Variants in HS6ST2 observed in about 807,000 individuals in gnomAD.
HS6ST2 encodes heparan sulfate 6-O-sulfotransferase 2.
In HS6ST2, 17 loss-of-function variants were observed where a neutral mutation model predicts 33.0. The ratio of observed to expected loss-of-function variants is 0.52; its 90% confidence interval spans 0.35 to 0.77. HS6ST2 has a LOEUF of 0.77. HS6ST2 is among the 30% of genes least tolerant of loss of function. HS6ST2 has a pLI of 0.01. For missense variants in HS6ST2, 519 were observed against 551.7 expected, an observed-to-expected ratio of 0.94 and a Z score of 0.59; for synonymous variants, 248 against 237.1, an observed-to-expected ratio of 1.05 and a Z score of -0.42.
chrX:132,901,863 C>T (rs141063492), intron 2 of HS6ST2, among the ~76,000 whole-genome samples: 1,220 of 110,871 alleles, frequency 0.011, 12 homozygotes, highest in African/African-American at 0.037. Flanking sequence ...GGGGAAAAGT[C>T]GGGGGAGGGA....
Position 132,628,817 on chromosome X carries a change from C to T in HS6ST2, c.1344G>A (p.Met448Ile). ...TLVGCYNLSV[M>I]PEKQRNKVLL... ...GGACCTTGTTTCTTTGCTTTTCAGG[C>T]ATGACAGAGAGGTTGTAGCAGCCTA... The change falls in exon 5 of 5, where the codon ATG becomes ATA. Residue 448 changes from methionine to isoleucine, a missense_variant. By Grantham distance (10) the Met-to-Ile change is conservative (BLOSUM62 1). Coordinates refer to ENST00000370833, the MANE Select transcript of HS6ST2 (RefSeq NM_001394073.1). The T allele has an allele frequency of 8.3e-7, 1 of 1,211,849 alleles. No homozygotes were observed. Among genetic ancestry groups the T allele is most frequent in the Non-Finnish European group, 1.1e-6 (1 of 895,458 alleles).
chrX:132,628,898 A>G lies in HS6ST2; in HGVS notation c.1263T>C (p.Cys421=), dbSNP rs2063497441. The G allele has an allele frequency of 8.3e-7, 1 of 1,211,412 alleles. No homozygotes were observed. Among genetic ancestry groups the G allele is most frequent in the Admixed American group, 2.2e-5 (1 of 46,015 alleles). The part of the protein sequence containing the change: ...SGCPLKEFMD[C]PYNLANNRQV... ...GGCGGTTGTTGGCTAGATTGTAGGG[A>G]CAGTCCATAAACTCTTTGAGGGGGC... The change falls in exon 5 of 5, where the codon TGT becomes TGC. Residue 421 remains cysteine, a synonymous_variant. Coordinates refer to ENST00000370833, the MANE Select transcript of HS6ST2 (RefSeq NM_001394073.1).
chrX:132,870,555 G>T (rs1317098680), intron 2 of HS6ST2, among the ~76,000 whole-genome samples: 4 of 111,509 alleles, frequency 3.6e-5, no homozygotes, highest in South Asian at 3.8e-4. Context: ...GCATAGTACT[G>T]GTACCAAAAC....
chrX:132,811,237 C>T (rs1302424783), intron 2 of HS6ST2, among the ~76,000 whole-genome samples: 1 of 111,149 alleles, frequency 9.0e-6, no homozygotes, highest in African/African-American at 3.3e-5. Flanking sequence ...GGTGTCTGCT[C>T]TGGATTTGCT....
intron 2 of HS6ST2, among the ~76,000 whole-genome samples, chrX:132,808,360 G>A (rs181957362): frequency 1.9e-3 from 209 of 111,480 alleles, no homozygotes; most frequent in African/African-American, 5.0e-3. Context: ...TCCTGTAACC[G>A]AAGGCCACAG....
At chrX:132,748,131 A>G (rs2064664755) in intron 2 of HS6ST2, among the ~76,000 whole-genome samples, 2 of 111,542 alleles carry the variant, frequency 1.8e-5, no homozygotes, top group South Asian at 3.9e-4. Context: ...CAATAATACC[A>G]TTAGAGGGGA....
intron 2 of HS6ST2, among the ~76,000 whole-genome samples, chrX:132,732,276 A>G (rs1286788151): frequency 8.9e-6 from 1 of 111,860 alleles, no homozygotes; most frequent in Non-Finnish European, 1.9e-5. Context: ...TGCCTTTATC[A>G]AAGCTAAAAA....
intron 2 of HS6ST2, among the ~76,000 whole-genome samples, chrX:132,910,456 G>A (rs901128716): frequency 3.6e-5 from 4 of 111,665 alleles, no homozygotes; most frequent in Non-Finnish European, 7.5e-5. Context: ...TTTTCTCAGT[G>A]AGCAATGTAA....
intron 2 of HS6ST2, among the ~76,000 whole-genome samples, chrX:132,839,217 G>A (rs1253607217): frequency 3.0e-5 from 3 of 98,391 alleles, no homozygotes; most frequent in East Asian, 6.8e-4. Context: ...GCAAAGACAC[G>A]GAATCGATCT....
intron 3 of HS6ST2, among the ~76,000 whole-genome samples, chrX:132,679,690 C>T (rs764240405): frequency 8.0e-4 from 87 of 109,124 alleles, no homozygotes; most frequent in African/African-American, 1.8e-3. Flanking sequence ...AGCCTGGGAG[C>T]GCTATGGGAG....
At chrX:132,722,995 A>G (rs1031141290) in intron 2 of HS6ST2, among the ~76,000 whole-genome samples, 1 of 111,735 alleles carries the variant, frequency 8.9e-6, no homozygotes, top group Admixed American at 9.5e-5. Flanking sequence ...AAAAGGAGAC[A>G]TTCCAACTGA....
intron 4 of HS6ST2, among the ~76,000 whole-genome samples, chrX:132,639,075 AT>A (rs759029727): frequency 7.1e-5 from 8 of 112,173 alleles, no homozygotes; most frequent in Non-Finnish European, 1.5e-4. Flanking sequence ...CAAAGCAGAA[AT>A]TTTTTTCCTT....
At position 132,697,901 on chromosome X, in the gene HS6ST2, C is replaced by T. The variant is rs140255019; in HGVS notation, c.980+10561G>A. 6.2e-3 allele frequency among the ~76,000 whole-genome samples: 692 copies of T among 111,856 alleles called. 4 individuals are homozygous for T. Among genetic ancestry groups the T allele is most frequent in the African/African-American group, 0.021 (648 of 30,809 alleles). On this transcript the variant is annotated intron_variant, in intron 3 of 4. Transcript: ENST00000370833. ...AATGCTTCTCAAGACAGGGAGCTAA[C>T]GTCACACTAAAGATGTAATTAAATG...
chrX:132,948,708 C>A (rs1415998868), intron 2 of HS6ST2, among the ~76,000 whole-genome samples: 1 of 112,118 alleles, frequency 8.9e-6, no homozygotes, highest in East Asian at 2.8e-4. Context: ...AAAGTTTAGA[C>A]AAATATTTAT....
At chrX:132,708,299 T>TAA (rs36028236) in intron 3 of HS6ST2, among the ~76,000 whole-genome samples, 163 bp downstream of exon 3, 737 of 21,236 alleles carry the variant, frequency 0.035, 51 homozygotes, top group Non-Finnish European at 0.045. Flanking sequence ...TGTTTTAAAC[T>TAA]AAAAAAAAAA....
chrX:132,718,748 A>T (rs2064300660), intron 2 of HS6ST2, among the ~76,000 whole-genome samples: 1 of 110,778 alleles, frequency 9.0e-6, no homozygotes, highest in South Asian at 3.9e-4. Flanking sequence ...GCTCATTTGA[A>T]GATGAAAACC....
chrX:132,652,339 A>G (rs920050538), intron 4 of HS6ST2, among the ~76,000 whole-genome samples: 10 of 111,955 alleles, frequency 8.9e-5, no homozygotes, highest in Non-Finnish European at 1.5e-4. Context: ...AGGCATTTAC[A>G]TTTACAAAGC....
At position 132,941,241 on chromosome X, in the gene HS6ST2, T is replaced by C. The variant is rs1602907803; in HGVS notation, c.947+15567A>G. ...ATGAGCCACTTTCCCATAATGGCAT[T>C]AGGCAAGGTGGCTGCAACACAAGAT... On this transcript the variant is annotated intron_variant, in intron 2 of 4. Coordinates refer to ENST00000370833, the MANE Select transcript of HS6ST2 (RefSeq NM_001394073.1). 1.8e-5 allele frequency among the ~76,000 whole-genome samples: 2 copies of C among 111,574 alleles called. 1 individual carries two copies.
rs1263470581 is a variant in HS6ST2 at position 132,956,865 on chromosome X, G to A, written c.890C>T (p.Thr297Ile). Residue 297 changes from threonine (T) to isoleucine (I), a missense_variant, in exon 2 of 5, where the codon ACC becomes ATC. By Grantham distance (89) the Thr-to-Ile change is moderately conservative. Transcript: ENST00000370833. ...GTCCACCACGGAGGGCACACAGCTG[G>A]TGAGCTCGGTCCAGTCGGCGTGCAA... The part of the protein sequence containing the change: ...CGLHADWTEL[T>I]SCVPSVVDGK... 1.7e-6 allele frequency: 2 copies of A among 1,186,555 alleles called. No homozygotes were observed. The highest frequency in any genetic ancestry group is 1.9e-5 in the South Asian group (1 of 53,811).
Sources: gnomAD v4.1 joint callset for allele counts (sites outside exome capture counted in the v4.1 genomes callset) on GRCh38, gnomAD v4.1.1 for gene constraint, MANE v1.5 for transcripts, NCBI Gene and HGNC (gene_info 2026-07-23, HGNC 2026-07-21) for gene names.